Variants in ZFAND6 observed in about 807,000 individuals in gnomAD.
The protein encoded by ZFAND6 is AN1-type zinc finger protein 6.
A neutral mutation model predicts 24.5 loss-of-function variants in ZFAND6; 12 were observed. That is an observed-to-expected ratio of 0.49 (90% CI 0.31 to 0.79). The LOEUF (loss-of-function observed/expected upper bound fraction) is 0.79, where lower values mean the gene tolerates loss of function less well. ZFAND6 is among the 30% of genes least tolerant of loss of function. The probability of loss-of-function intolerance (pLI) is 0.04; values close to 1 mark genes in which losing one functional copy is unlikely to be tolerated. For synonymous variants in ZFAND6, 92 were observed against 81.5 expected (o/e 1.13, Z -0.69); for missense variants, 207 against 245.9 (o/e 0.84, Z 1.06).
intron 2 of ZFAND6, among the ~76,000 whole-genome samples, chr15:80,118,016 T>TTGTGTATGTGTGTG (rs1555434593): frequency 1.3e-5 from 2 of 150,304 alleles, no homozygotes; most frequent in African/African-American, 4.9e-5. Context: ...AGGTATTGAA[T>TTGTGTATGTGTGTG]TGTGTGTGTG....
At chr15:80,089,284 T>TG (rs1491397702) in intron 1 of ZFAND6, among the ~76,000 whole-genome samples, 1 of 144,950 alleles carries the variant, frequency 6.9e-6, no homozygotes, top group Non-Finnish European at 1.5e-5. Context: ...TTTTTTTTTT[T>TG]GAGACAGAGT....
At chr15:80,110,931 G>C (rs2039575744) in intron 2 of ZFAND6, among the ~76,000 whole-genome samples, 1 of 152,156 alleles carries the variant, frequency 6.6e-6, no homozygotes, top group Non-Finnish European at 1.5e-5. Flanking sequence ...GCCTGGCCCT[G>C]GGATGGGAGG....
In ZFAND6 at chr15:80,064,626, ACACG is replaced by A. The variant is rs2036515430; in HGVS notation, c.-181+4818_-181+4821del. Among the ~76,000 whole-genome samples, 18 of 135,050 alleles carry A rather than the reference ACACG, an allele frequency of 1.3e-4. No individual in the cohort carries two copies. The South Asian group carries it at 3.7e-3, about 28-fold the overall frequency. The allele number at this position is 135,050 out of a possible 152,430, so 88.6% of individuals were successfully genotyped here. A position where few individuals can be genotyped will look rare whatever the true frequency, so the allele number is the denominator to read the frequency against. ...TATACATACACACACACACACACAC[ACACG>A]TATGTTTGGGTTTTTTAAAATGTTT... On this transcript the variant is annotated intron_variant, in intron 1 of 6. Coordinates refer to ENST00000261749, the MANE Select transcript of ZFAND6 (RefSeq NM_019006.4).
At chr15:80,116,882 C>T (rs2039899024) in intron 2 of ZFAND6, among the ~76,000 whole-genome samples, 1 of 152,136 alleles carries the variant, frequency 6.6e-6, no homozygotes, top group African/African-American at 2.4e-5. Flanking sequence ...ATTGGATACC[C>T]TGATATAAAA....
At chr15:80,088,542 G>T (rs1243624600) in intron 1 of ZFAND6, among the ~76,000 whole-genome samples, 1 of 152,126 alleles carries the variant, frequency 6.6e-6, no homozygotes, top group Admixed American at 6.5e-5. Flanking sequence ...CTCCAGCCTG[G>T]GCGATAAGAG....
Position 80,116,579 on chromosome 15 carries a change from C to A in ZFAND6, c.-17-3749C>A, listed in dbSNP as rs143629134. 1.4e-3 allele frequency among the ~76,000 whole-genome samples: 211 copies of A among 152,158 alleles called. 1 individual carries two copies. Among genetic ancestry groups the A allele is most frequent in the African/African-American group, 4.8e-3 (201 of 41,498 alleles). On this transcript the variant is annotated intron_variant, in intron 2 of 6. Coordinates refer to ENST00000261749, the MANE Select transcript of ZFAND6 (RefSeq NM_019006.4). Reference sequence around the variant, plus strand: ...TCTGTTATAGTGTTATAAAGAAAATCTGGGCTCATATGTATTTGGAAAGAA... The same window carrying A: ...TCTGTTATAGTGTTATAAAGAAAATATGGGCTCATATGTATTTGGAAAGAA...
chr15:80,121,629 A>G (rs117115144), intron 3 of ZFAND6, 83 bp from the exon 4 acceptor site: 24,198 of 1,159,370 alleles, frequency 0.021, 339 homozygotes, highest in Non-Finnish European at 0.025. Flanking sequence ...TGTTCTGTGG[A>G]AAATGGATTT....
chr15:80,098,028 T>C (rs1055653454), intron 1 of ZFAND6, among the ~76,000 whole-genome samples: 23 of 152,222 alleles, frequency 1.5e-4, no homozygotes, highest in Admixed American at 3.3e-4. Flanking sequence ...TCCGGTGCTA[T>C]GACATGTATA....
chr15:80,137,721 G>C lies in ZFAND6; in HGVS notation c.*93G>C, dbSNP rs546675371. On this transcript the variant is annotated 3_prime_UTR_variant, in exon 7 of 7. Transcript: ENST00000261749. ...CTAGTCATTGGGAATGTAGAGCAGT[G>C]TATCTTGCATGTCATCGGAAGAATA... 8 of 1,299,600 alleles carry C rather than the reference G, an allele frequency of 6.2e-6. No homozygotes were observed. The African/African-American group carries it at 1.1e-4, about 17-fold the overall frequency. The allele number at this position is 1,299,600 out of a possible 1,614,324, so 80.5% of individuals were successfully genotyped here. A position where few individuals can be genotyped will look rare whatever the true frequency, so the allele number is the denominator to read the frequency against.
At chr15:80,136,069 T>C (rs963975718) in intron 6 of ZFAND6, among the ~76,000 whole-genome samples, 1 of 150,846 alleles carries the variant, frequency 6.6e-6, no homozygotes, top group South Asian at 2.1e-4. Context: ...AAGGCTGCAG[T>C]GAGCTATGAT....
chr15:80,074,591 CAG>C (rs897376024), intron 1 of ZFAND6, among the ~76,000 whole-genome samples: 5 of 151,822 alleles, frequency 3.3e-5, no homozygotes, highest in African/African-American at 9.7e-5. Context: ...ACTTTGGAAA[CAG>C]ATAACTTTTA....
intron 1 of ZFAND6, among the ~76,000 whole-genome samples, chr15:80,081,982 A>C (rs989388932): frequency 6.6e-6 from 1 of 152,206 alleles, no homozygotes; most frequent in Non-Finnish European, 1.5e-5. Flanking sequence ...TTGAGACTGG[A>C]TGTACACTAA....
intron 1 of ZFAND6, among the ~76,000 whole-genome samples, chr15:80,068,236 C>A (rs1211981386): frequency 6.6e-6 from 1 of 152,000 alleles, no homozygotes; most frequent in Non-Finnish European, 1.5e-5. Flanking sequence ...TAGTCTCAAC[C>A]TCCCTGGCTC....
intron 5 of ZFAND6, among the ~76,000 whole-genome samples, chr15:80,126,211 T>C (rs1456144478): frequency 2.0e-5 from 3 of 152,218 alleles, no homozygotes; most frequent in Non-Finnish European, 4.4e-5. Context: ...AGTTGAATTG[T>C]CAAATCATTG....
At chr15:80,101,820 T>A (rs1437083917) in intron 2 of ZFAND6, among the ~76,000 whole-genome samples, 14 of 132,616 alleles carry the variant, frequency 1.1e-4, no homozygotes, top group Non-Finnish European at 1.9e-4. Context: ...TGAGACGGAG[T>A]CTTGCTCTGT....
rs376977667 is a variant in ZFAND6 at position 80,086,375 on chromosome 15, C to CA, written c.-180-12037dup. The stretch of plus-strand genomic sequence containing the variant: ...ATATTGAGGTATAATTTACATACCA[C>CA]AAAATTCACCTGTTTCATAAGTGTT... On this transcript the variant is annotated intron_variant, in intron 1 of 6. Coordinates refer to ENST00000261749, the MANE Select transcript of ZFAND6 (RefSeq NM_019006.4). 1.1e-3 allele frequency among the ~76,000 whole-genome samples: 161 copies of CA among 152,316 alleles called. 1 individual carries two copies. The highest frequency in any genetic ancestry group is 3.8e-3 in the African/African-American group (159 of 41,578).
At chr15:80,079,853 A>C (rs1596211499) in intron 1 of ZFAND6, among the ~76,000 whole-genome samples, 2 of 148,670 alleles carry the variant, frequency 1.3e-5, no homozygotes, top group South Asian at 4.3e-4. Context: ...TCGGGGTTTC[A>C]CCGTAGCCAG....
rs566979665 is a variant in ZFAND6, at chr15:80,093,971, G to GC, written c.-180-4444dup. Among the ~76,000 whole-genome samples, 239 of 152,092 alleles carry GC rather than the reference G, an allele frequency of 1.6e-3. 1 individual carries two copies. The highest frequency in any genetic ancestry group is 5.6e-3 in the African/African-American group (230 of 41,434). On this transcript the variant is annotated intron_variant, in intron 1 of 6. Transcript: ENST00000261749. The stretch of plus-strand genomic sequence containing the variant: ...TCAGTGGAAAGGTTTATGTCATTTG[G>GC]CACTTACATTTGGTATTTTAAACTG...
At chr15:80,101,140 A>G (rs1567074833) in intron 2 of ZFAND6, among the ~76,000 whole-genome samples, 1 of 152,240 alleles carries the variant, frequency 6.6e-6, no homozygotes, top group Non-Finnish European at 1.5e-5. Flanking sequence ...AGGTATCATA[A>G]GAAACATCTC....
Sources: gnomAD v4.1 joint callset for allele counts (sites outside exome capture counted in the v4.1 genomes callset) on GRCh38, gnomAD v4.1.1 for gene constraint, MANE v1.5 for transcripts, NCBI Gene and HGNC (gene_info 2026-07-23, HGNC 2026-07-21) for gene names.